Variants in LRRC18 observed in about 807,000 individuals in gnomAD.
LRRC18 encodes the protein leucine rich repeat containing 18, also known as leucine-rich repeat-containing protein 18.
A neutral mutation model predicts 11.2 loss-of-function variants in LRRC18; 12 were observed. The ratio of observed to expected loss-of-function variants is 1.07; its 90% CI spans 0.69 to 1.74. The LOEUF is 1.74. LRRC18 is among the 40% of genes most tolerant of loss of function. The pLI, the probability that LRRC18 is intolerant of heterozygous loss-of-function variation, is 0.00. For missense variants in LRRC18, 374 were observed against 330.5 expected (o/e 1.13, Z -1.02); for synonymous variants, 155 against 130.6 (o/e 1.19, Z -1.27).
intron 1 of LRRC18, among the ~76,000 whole-genome samples, chr10:48,911,103 A>T (rs1245387204): frequency 2.0e-5 from 3 of 152,330 alleles, no homozygotes; most frequent in African/African-American, 2.4e-5. Flanking sequence ...GAAATAGCAG[A>T]TTGGCTCCCT....
the LRRC18 span, among the ~76,000 whole-genome samples, chr10:48,935,901 G>A: frequency 3.2e-5 from 1 of 31,614 alleles, no homozygotes; most frequent in South Asian, 3.0e-3. Flanking sequence ...TGCATCTATG[G>A]TCTTTTTTTT....
At chr10:48,924,695 C>T in the LRRC18 span, among the ~76,000 whole-genome samples, 2 of 152,112 alleles carry the variant, frequency 1.3e-5, no homozygotes, top group South Asian at 4.1e-4. Context: ...TCTCTTTAGT[C>T]ATTGTGAATC....
At chr10:48,913,675 C>A in exon 1 of LRRC18, 1 of 1,613,440 alleles carries the variant, frequency 6.2e-7, no homozygotes, top group South Asian at 1.1e-5. Context: ...GAGATGCTCA[C>A]GGGGATGTTG....
chr10:48,915,473 A>G (rs1041726597), upstream of LRRC18, among the ~76,000 whole-genome samples: 4 of 151,898 alleles, frequency 2.6e-5, no homozygotes, highest in African/African-American at 9.7e-5. Context: ...CTTGGGAGAC[A>G]CAAACTTGCA....
the LRRC18 span, among the ~76,000 whole-genome samples, chr10:48,929,007 G>A: frequency 6.6e-6 from 1 of 152,210 alleles, no homozygotes; most frequent in Admixed American, 6.5e-5. Flanking sequence ...TGGATGTTAG[G>A]AAGAGAAAGA....
the LRRC18 span, among the ~76,000 whole-genome samples, chr10:48,939,219 T>C: frequency 1.3e-5 from 2 of 152,148 alleles, no homozygotes; most frequent in Non-Finnish European, 2.9e-5. Flanking sequence ...GCACTCTCCT[T>C]CCTCCAAGAG....
At chr10:48,916,093 G>A (rs1486942007), upstream of LRRC18, among the ~76,000 whole-genome samples, 3 of 152,188 alleles carry the variant, frequency 2.0e-5, no homozygotes, top group Non-Finnish European at 2.9e-5. Context: ...GAAGCACTCT[G>A]GGGACTCTGA....
upstream of LRRC18, among the ~76,000 whole-genome samples, chr10:48,916,976 A>C (rs954180969): frequency 6.6e-6 from 1 of 151,988 alleles, no homozygotes; most frequent in African/African-American, 2.4e-5. Context: ...GTTGTCCCAT[A>C]AGATTGTGAT....
the LRRC18 span, among the ~76,000 whole-genome samples, chr10:48,936,313 C>T: frequency 4.8e-4 from 73 of 152,008 alleles, no homozygotes; most frequent in African/African-American, 1.6e-3. Flanking sequence ...ATGTAGACAG[C>T]AAATGGATTA....
the LRRC18 span, among the ~76,000 whole-genome samples, chr10:48,922,656 G>A: frequency 2.0e-5 from 3 of 152,136 alleles, no homozygotes; most frequent in Non-Finnish European, 4.4e-5. Context: ...ATTCAATGGG[G>A]GTCTTAGAAC....
At chr10:48,933,638 AC>A in the LRRC18 span, among the ~76,000 whole-genome samples, 1 of 152,060 alleles carries the variant, frequency 6.6e-6, no homozygotes. Context: ...GTGTTATTAG[AC>A]CCAGTTCTAG....
chr10:48,923,869 G>A, the LRRC18 span, among the ~76,000 whole-genome samples: 1 of 152,344 alleles, frequency 6.6e-6, no homozygotes, highest in Admixed American at 6.5e-5. Context: ...GCATGGCTTA[G>A]AGAGAATCCT....
At chr10:48,916,518 G>A (rs371989121), upstream of LRRC18, among the ~76,000 whole-genome samples, 1 of 152,148 alleles carries the variant, frequency 6.6e-6, no homozygotes, top group Non-Finnish European at 1.5e-5. Flanking sequence ...GAGCTGGGGG[G>A]TTGCTTTGTT....
At chr10:48,933,578 G>A in the LRRC18 span, among the ~76,000 whole-genome samples, 1 of 152,164 alleles carries the variant, frequency 6.6e-6, no homozygotes, top group Admixed American at 6.5e-5. Flanking sequence ...CCTAGTCCAG[G>A]TCAAGCCCCA....
intron 1 of LRRC18, 31 bp from the exon 4 acceptor site, chr10:48,910,289 A>G (rs1837883038): frequency 1.2e-6 from 2 of 1,610,824 alleles, no homozygotes; most frequent in Non-Finnish European, 1.7e-6. Flanking sequence ...AGGTGAGGCA[A>G]TTGCTCCAGG....
the LRRC18 span, among the ~76,000 whole-genome samples, chr10:48,923,852 A>G: frequency 5.9e-5 from 9 of 152,174 alleles, no homozygotes; most frequent in African/African-American, 1.2e-4. Context: ...GAGGCCAAAC[A>G]CACTGAGCAT....
chr10:48,916,039 C>T (rs1434586353), upstream of LRRC18, among the ~76,000 whole-genome samples: 2 of 152,160 alleles, frequency 1.3e-5, no homozygotes, highest in African/African-American at 4.8e-5. Context: ...CTTGGTCCCA[C>T]CAAACTCCTG....
the LRRC18 span, among the ~76,000 whole-genome samples, chr10:48,930,948 C>T: frequency 6.6e-6 from 1 of 152,154 alleles, no homozygotes; most frequent in Non-Finnish European, 1.5e-5. Context: ...ATATCAGCAA[C>T]ACTGCTCTCT....
the LRRC18 span, among the ~76,000 whole-genome samples, chr10:48,935,775 G>A: frequency 1.3e-5 from 2 of 152,172 alleles, no homozygotes; most frequent in Admixed American, 1.3e-4. Context: ...AAATGCTGAT[G>A]TGTAGTTTCT....
Sources: allele counts gnomAD v4.1 joint callset (sites outside exome capture counted in the v4.1 genomes callset), GRCh38; gene constraint gnomAD v4.1.1; transcripts MANE v1.5; gene names NCBI Gene and HGNC (gene_info 2026-07-23, HGNC 2026-07-21).